TYW1: variants seen among roughly 807,000 people sequenced by gnomAD.
TYW1 encodes the protein tRNA-yW synthesizing protein 1 homolog.
Under a neutral mutation model 96.2 loss-of-function variants are expected in TYW1, and 46 were observed. The ratio of observed to expected loss-of-function variants is 0.48; its 90% CI spans 0.38 to 0.61. TYW1 has a LOEUF of 0.61. Ranked by LOEUF, TYW1 falls within the 20% of genes least tolerant of loss-of-function variation. The probability of loss-of-function intolerance (pLI) is 0.00; values close to 1 mark genes in which losing one functional copy is unlikely to be tolerated. For missense variants in TYW1, 684 were observed against 909.6 expected, an observed-to-expected ratio of 0.75 and a Z score of 3.19; for synonymous variants, 274 against 323.0, an observed-to-expected ratio of 0.85 and a Z score of 1.63.
chr7:67,161,976 C>T (rs1315438150), intron 13 of TYW1, among the ~76,000 whole-genome samples: 7 of 151,918 alleles, frequency 4.6e-5, no homozygotes, highest in African/African-American at 1.2e-4. Context: ...GACCAAGCTT[C>T]GGCACAGGGA....
At chr7:67,111,296 C>T (rs186802755) in intron 12 of TYW1, among the ~76,000 whole-genome samples, 130 of 152,126 alleles carry the variant, frequency 8.5e-4, no homozygotes, top group African/African-American at 2.7e-3. Flanking sequence ...CTCCGCCTCC[C>T]GGGTTCAAGC....
intron 15 of TYW1, among the ~76,000 whole-genome samples, chr7:67,203,493 T>C (rs1214959805): frequency 2.0e-5 from 3 of 152,246 alleles, no homozygotes; most frequent in Non-Finnish European, 4.4e-5. Context: ...ATATATAATA[T>C]ATCACAGTCT....
At chr7:67,101,712 G>C (rs1797093785) in intron 12 of TYW1, among the ~76,000 whole-genome samples, 1 of 152,018 alleles carries the variant, frequency 6.6e-6, no homozygotes, top group South Asian at 2.1e-4. Context: ...TGGTCAGGCT[G>C]GTTTCAAACT....
chr7:67,004,811 A>G (rs1162611985), intron 3 of TYW1, among the ~76,000 whole-genome samples: 1 of 152,106 alleles, frequency 6.6e-6, no homozygotes, highest in East Asian at 1.9e-4. Context: ...GCTGGAGTGC[A>G]GTGGTGCGAT....
chr7:67,030,524 C>T (rs938288249), intron 7 of TYW1, among the ~76,000 whole-genome samples: 3 of 152,074 alleles, frequency 2.0e-5, no homozygotes, highest in African/African-American at 4.8e-5. Flanking sequence ...CCCAGCTACT[C>T]AGGAGGCTGA....
chr7:67,238,765 G>T lies in TYW1; in HGVS notation c.*236G>T. 26 of 1,350,298 alleles carry T rather than the reference G, an allele frequency of 1.9e-5. No individual in the cohort carries two copies. Among genetic ancestry groups the T allele is most frequent in the Non-Finnish European group, 2.4e-5 (25 of 1,048,076 alleles). 83.6% of individuals were successfully genotyped at this position (1,350,298 alleles called of 1,614,324 possible). Reference sequence around the variant, plus strand: ...CCTTTCCTGATTTTACTTCTAAGAGGAAAATTATTTTGGGGAGGAACTACA... The same window carrying T: ...CCTTTCCTGATTTTACTTCTAAGAGTAAAATTATTTTGGGGAGGAACTACA... On this transcript the variant is annotated 3_prime_UTR_variant, in exon 16 of 16. Coordinates refer to ENST00000359626, the MANE Select transcript of TYW1 (RefSeq NM_018264.4).
At chr7:67,023,422 T>C (rs570114223) in intron 6 of TYW1, among the ~76,000 whole-genome samples, 1 of 152,114 alleles carries the variant, frequency 6.6e-6, no homozygotes, top group East Asian at 1.9e-4. Context: ...GACCCTTGAG[T>C]TACTGAGAAA....
intron 13 of TYW1, among the ~76,000 whole-genome samples, chr7:67,148,865 A>G (rs1692782057): frequency 6.6e-6 from 1 of 152,174 alleles, no homozygotes; most frequent in African/African-American, 2.4e-5. Flanking sequence ...ATTGCTTTCA[A>G]TTTGTTTTTA....
chr7:67,095,075 T>G (rs1399301353), intron 11 of TYW1, among the ~76,000 whole-genome samples: 2 of 151,892 alleles, frequency 1.3e-5, no homozygotes. Flanking sequence ...CTCAGCTCAC[T>G]GCAACCTCCG....
At chr7:67,067,092 TG>T in intron 9 of TYW1, 192 bp from the exon 10 acceptor site, 1 of 606,668 alleles carries the variant, frequency 1.6e-6, no homozygotes, top group Non-Finnish European at 2.9e-6. Flanking sequence ...TTTATTTCAC[TG>T]GGCTTTAGTA....
intron 5 of TYW1, among the ~76,000 whole-genome samples, chr7:67,014,848 A>G (rs888515255): frequency 1.3e-5 from 2 of 150,860 alleles, no homozygotes; most frequent in African/African-American, 2.4e-5. Flanking sequence ...TCCTGCCTCA[A>G]CCTCCCGAGT....
chr7:67,188,976 G>T (rs1426115108), intron 14 of TYW1, among the ~76,000 whole-genome samples: 2 of 152,194 alleles, frequency 1.3e-5, no homozygotes, highest in African/African-American at 4.8e-5. Flanking sequence ...GTACTGTACT[G>T]AATTGTTGAC....
intron 15 of TYW1, among the ~76,000 whole-genome samples, chr7:67,211,510 T>G (rs912892351): frequency 1.3e-5 from 2 of 152,232 alleles, no homozygotes; most frequent in African/African-American, 4.8e-5. Flanking sequence ...GGGGAAGGTA[T>G]GCTCATTGTT....
In TYW1 at chr7:67,222,861, T is replaced by TCTTTCTTTC. The variant is rs1329679822; in HGVS notation, c.1978-15447_1978-15446insCTTTCTTTC. ...ATGGTCCCTTAATCTCTGTTCGCTT[T>TCTTTCTTTC]TTTTCTTTTTTTTTTTTTTTTTTTG... On this transcript the variant is annotated intron_variant, in intron 15 of 15. Coordinates refer to ENST00000359626, the MANE Select transcript of TYW1 (RefSeq NM_018264.4). Among the ~76,000 whole-genome samples, 10 of 111,156 alleles carry TCTTTCTTTC rather than the reference T, an allele frequency of 9.0e-5. 1 individual carries two copies. Among genetic ancestry groups the TCTTTCTTTC allele is most frequent in the African/African-American group, 1.4e-4 (4 of 28,504 alleles). The allele number at this position is 111,156 out of a possible 152,430, so 72.9% of individuals were successfully genotyped here. A position where few individuals can be genotyped will look rare whatever the true frequency, so the allele number is the denominator to read the frequency against.
In TYW1 at chr7:67,163,412, C is replaced by T. The variant is rs1163519182; in HGVS notation, c.1699-19714C>T. Among the ~76,000 whole-genome samples, 7 of 152,174 alleles carry T rather than the reference C, an allele frequency of 4.6e-5. 1 individual carries two copies. Among genetic ancestry groups the T allele is most frequent in the Non-Finnish European group, 1.0e-4 (7 of 68,046 alleles). On this transcript the variant is annotated intron_variant, in intron 13 of 15. Coordinates refer to ENST00000359626, the MANE Select transcript of TYW1 (RefSeq NM_018264.4). Reference sequence around the variant, plus strand: ...CACCTCTCAGCTTTCTTGCGCTCATCTCTTCTTGTGGTTTCACCCTCCGCT... The same window carrying T: ...CACCTCTCAGCTTTCTTGCGCTCATTTCTTCTTGTGGTTTCACCCTCCGCT...
chr7:67,182,029 A>C (rs759343095), intron 13 of TYW1, among the ~76,000 whole-genome samples: 1 of 152,014 alleles, frequency 6.6e-6, no homozygotes, highest in Admixed American at 6.6e-5. Flanking sequence ...GGGTTTCACC[A>C]TGTTGGCCAG....
intron 9 of TYW1, among the ~76,000 whole-genome samples, chr7:67,060,894 G>A (rs1273248397): frequency 6.6e-6 from 1 of 152,038 alleles, no homozygotes; most frequent in Non-Finnish European, 1.5e-5. Flanking sequence ...AACCTTTTTT[G>A]TGGTTCATAA....
chr7:67,146,089 A>T (rs1446062766), intron 13 of TYW1, among the ~76,000 whole-genome samples: 1 of 151,886 alleles, frequency 6.6e-6, no homozygotes, highest in African/African-American at 2.4e-5. Flanking sequence ...TATTATTTTT[A>T]TGGTACTTAT....
chr7:67,046,675 T>C (rs1315173306), intron 7 of TYW1, among the ~76,000 whole-genome samples: 1 of 152,214 alleles, frequency 6.6e-6, no homozygotes, highest in Non-Finnish European at 1.5e-5. Context: ...AATGGTGCAT[T>C]CAACTCCCTT....
Sources: gnomAD v4.1 joint callset for allele counts (sites outside exome capture counted in the v4.1 genomes callset) on GRCh38, gnomAD v4.1.1 for gene constraint, MANE v1.5 for transcripts, NCBI Gene and HGNC (gene_info 2026-07-23, HGNC 2026-07-21) for gene names.